The following CLDN2 variants were observed in gnomAD, a reference collection of about 807,000 sequenced individuals.
CLDN2 encodes the protein claudin-2.
In CLDN2, 1 loss-of-function variant was observed where a neutral mutation model predicts 8.2. The observed-to-expected ratio is 0.12, with a 90% CI of 0.04 to 0.58. CLDN2 has a LOEUF of 0.58. CLDN2 is among the 20% of genes least tolerant of loss of function. CLDN2 has a pLI of 0.90. For missense variants in CLDN2, 108 were observed against 172.9 expected (o/e 0.62, Z 2.11); for synonymous variants, 70 against 70.2 (o/e 1.00, Z 0.01).
At chrX:106,914,240 C>T (rs7059305), upstream of CLDN2, among the ~76,000 whole-genome samples, 6,516 of 110,619 alleles carry the variant, frequency 0.059, 487 homozygotes, top group African/African-American at 0.21. Context: ...TGTGAGCCAC[C>T]GCACCCGGCC....
chrX:106,914,141 G>A (rs1306572379), upstream of CLDN2, among the ~76,000 whole-genome samples: 1 of 108,018 alleles, frequency 9.3e-6, no homozygotes, highest in Non-Finnish European at 1.9e-5. Flanking sequence ...TTAATAAAGT[G>A]GGTTTTGCCA....
chrX:106,903,205 G>A (rs771369948), intron 1 of CLDN2: 2 of 1,211,166 alleles, frequency 1.7e-6, no homozygotes, highest in Non-Finnish European at 2.2e-6. Flanking sequence ...GAGTGCCAGT[G>A]GGGCTTGTGC....
chrX:106,916,571 C>T (rs781104475), upstream of CLDN2, among the ~76,000 whole-genome samples: 2 of 111,071 alleles, frequency 1.8e-5, no homozygotes, highest in South Asian at 3.9e-4. Flanking sequence ...GAAGTCGAAA[C>T]CAGCAGATGG....
chrX:106,901,397 G>T, intron 1 of CLDN2: 1 of 971,864 alleles, frequency 1.0e-6, no homozygotes, highest in Non-Finnish European at 1.5e-6. Context: ...CCCCTCTCCT[G>T]CTTCACAAGA....
At chrX:106,922,262 C>A (rs1933404050) in intron 1 of CLDN2, among the ~76,000 whole-genome samples, 1 of 112,602 alleles carries the variant, frequency 8.9e-6, no homozygotes, top group Non-Finnish European at 1.9e-5. Flanking sequence ...CTCCATGGGG[C>A]CATTTCTATC....
At chrX:106,912,775 A>C (rs953343509) in intron 1 of CLDN2, among the ~76,000 whole-genome samples, 1 of 111,033 alleles carries the variant, frequency 9.0e-6, no homozygotes, top group African/African-American at 3.3e-5. Flanking sequence ...TTTGTTAAAA[A>C]TGGACAAAAT....
chrX:106,902,164 C>T (rs1470837761), intron 1 of CLDN2: 3 of 1,192,778 alleles, frequency 2.5e-6, no homozygotes, highest in Non-Finnish European at 3.4e-6. Context: ...TCCTCATCTG[C>T]CTTGGGGAGT....
upstream of CLDN2, among the ~76,000 whole-genome samples, chrX:106,918,068 C>A (rs1029425815): frequency 8.9e-6 from 1 of 112,093 alleles, no homozygotes; most frequent in Non-Finnish European, 1.9e-5. Context: ...CCTCATCCGC[C>A]CTGGCACCTG....
upstream of CLDN2, among the ~76,000 whole-genome samples, chrX:106,917,730 C>A (rs1933331434): frequency 9.0e-6 from 1 of 111,103 alleles, no homozygotes; most frequent in Admixed American, 9.6e-5. Flanking sequence ...TTCCCCCAAA[C>A]CACCTCTTCC....
chrX:106,923,912 G>A (rs756445385), intron 1 of CLDN2, among the ~76,000 whole-genome samples: 4 of 111,212 alleles, frequency 3.6e-5, no homozygotes, highest in Non-Finnish European at 5.7e-5. Context: ...GAGGCTAGAG[G>A]GGCAGAGATG....
chrX:106,911,779 T>C (rs1457050221), intron 1 of CLDN2, among the ~76,000 whole-genome samples: 1 of 112,227 alleles, frequency 8.9e-6, no homozygotes, highest in African/African-American at 3.2e-5. Context: ...TGGCAGGCGT[T>C]CATTTCATGT....
intron 1 of CLDN2, among the ~76,000 whole-genome samples, chrX:106,909,520 G>T (rs375687381): frequency 8.9e-6 from 1 of 112,104 alleles, no homozygotes; most frequent in African/African-American, 3.2e-5. Context: ...TTTCCCTCTG[G>T]CCTCTGTCTT....
intron 1 of CLDN2, among the ~76,000 whole-genome samples, chrX:106,908,897 A>C (rs1933212953): frequency 8.9e-6 from 1 of 112,177 alleles, no homozygotes; most frequent in Admixed American, 9.4e-5. Context: ...TGATAGCACT[A>C]AGGAGATTAG....
At chrX:106,907,886 A>G (rs967784005) in intron 1 of CLDN2, among the ~76,000 whole-genome samples, 1 of 111,549 alleles carries the variant, frequency 9.0e-6, no homozygotes, top group African/African-American at 3.2e-5. Context: ...TAGTTTATCT[A>G]TGTCAGTCCC....
intron 1 of CLDN2, among the ~76,000 whole-genome samples, chrX:106,905,517 C>G (rs1402348340): frequency 9.0e-6 from 1 of 111,683 alleles, no homozygotes; most frequent in East Asian, 2.8e-4. Flanking sequence ...TAAGCGTTTC[C>G]TTGTACTGAC....
At chrX:106,901,401 C>T in intron 1 of CLDN2, 2 of 1,015,737 alleles carry the variant, frequency 2.0e-6, no homozygotes, top group Non-Finnish European at 2.8e-6. Context: ...TCTCCTGCTT[C>T]ACAAGACCTT....
intron 1 of CLDN2, among the ~76,000 whole-genome samples, chrX:106,923,580 A>C (rs773491404): frequency 8.9e-6 from 1 of 111,834 alleles, no homozygotes; most frequent in East Asian, 2.8e-4. Context: ...GAGGTGAAAA[A>C]GCAAGGATGA....
chrX:106,901,021 G>A, intron 1 of CLDN2: 1 of 1,071,203 alleles, frequency 9.3e-7, no homozygotes, highest in Non-Finnish European at 1.2e-6. Context: ...CAACAATGAG[G>A]TCAGAGGGAA....
chrX:106,911,125 T>C (rs1248390954), intron 1 of CLDN2, among the ~76,000 whole-genome samples: 3 of 111,910 alleles, frequency 2.7e-5, no homozygotes, highest in Non-Finnish European at 5.6e-5. Flanking sequence ...TCTTTTACCA[T>C]GCAGGTGATG....
Sources: allele counts gnomAD v4.1 joint callset (sites outside exome capture counted in the v4.1 genomes callset), GRCh38; gene constraint gnomAD v4.1.1; transcripts MANE v1.5; gene names NCBI Gene and HGNC (gene_info 2026-07-23, HGNC 2026-07-21).